Variants in GSE1 observed in about 807,000 individuals in gnomAD.
The protein encoded by GSE1 is genetic suppressor element 1.
Under a neutral mutation model 112.6 loss-of-function variants are expected in GSE1, and 32 were observed. The observed-to-expected ratio is 0.28, with a 90% confidence interval of 0.21 to 0.38. The LOEUF (loss-of-function observed/expected upper bound fraction) is 0.38. Among genes scored for constraint, GSE1 ranks in the 10% least tolerant of loss-of-function variants. The probability of loss-of-function intolerance (pLI) is 1.00; values close to 1 mark genes in which losing one functional copy is unlikely to be tolerated. For missense variants in GSE1, 2,348 were observed against 1,699.2 expected (o/e 1.38, Z -6.71); for synonymous variants, 1,115 against 735.6 (o/e 1.52, Z -8.35).
intron 1 of GSE1, among the ~76,000 whole-genome samples, chr16:85,175,046 C>G (rs991732783): frequency 2.0e-5 from 2 of 101,206 alleles, no homozygotes; most frequent in African/African-American, 3.5e-5. Context: ...TCCTGTGACT[C>G]CTCAGTTGTT....
chr16:85,424,397 C>G (rs765896528), intron 2 of GSE1, among the ~76,000 whole-genome samples: 5 of 152,208 alleles, frequency 3.3e-5, no homozygotes, highest in Non-Finnish European at 5.9e-5. Context: ...AGAGGCCAGA[C>G]CTTCTGGAAG....
Position 85,401,099 on chromosome 16 carries a change from G to C in GSE1, c.2464+43456G>C, listed in dbSNP as rs993862693. On this transcript the variant is annotated intron_variant, in intron 2 of 2. Transcript: ENST00000637419. ...CCCAAATCAGCGGATATGGTGCTGG[G>C]GTCCGCAGCTTGGGCTTTCTGAGGC... is the stretch of plus-strand genomic sequence containing the variant. Among the ~76,000 whole-genome samples, 3 of 152,188 alleles carry C rather than the reference G, an allele frequency of 2.0e-5. No individual in the cohort carries two copies. The East Asian group carries it at 5.8e-4, about 29-fold the overall frequency.
intron 2 of GSE1, among the ~76,000 whole-genome samples, chr16:85,383,006 GCA>G (rs1360677684): frequency 1.3e-5 from 2 of 149,768 alleles, no homozygotes; most frequent in Non-Finnish European, 3.0e-5. Context: ...TACAACACAT[GCA>G]CACACGGTTG....
chr16:85,560,290 C>G (rs1056790302), intron 1 of GSE1, among the ~76,000 whole-genome samples: 1 of 152,112 alleles, frequency 6.6e-6, no homozygotes, highest in African/African-American at 2.4e-5. Flanking sequence ...AGTGCGCCAC[C>G]ACGCCCAAGT....
upstream of GSE1, among the ~76,000 whole-genome samples, chr16:85,554,738 C>A (rs1240702948): frequency 8.6e-6 from 1 of 116,488 alleles, no homozygotes; most frequent in Non-Finnish European, 1.6e-5. Context: ...CGGGTCCTGG[C>A]GGAGGGCGAA....
intron 2 of GSE1, among the ~76,000 whole-genome samples, chr16:85,477,153 C>T (rs940805899): frequency 1.3e-5 from 2 of 152,094 alleles, no homozygotes; most frequent in Non-Finnish European, 2.9e-5. Context: ...GTCGGGTGAT[C>T]CGCCTGCCTT....
Position 85,675,165 on chromosome 16 carries a change from T to C in GSE1, c.*2626T>C, listed in dbSNP as rs186324993. 6.6e-6 allele frequency: 1 copy of C among 152,320 alleles called. No individual in the cohort carries two copies. The highest frequency in any genetic ancestry group is 2.4e-5 in the African/African-American group (1 of 41,566). The allele number at this position is 152,320 out of a possible 1,614,324, so 9.4% of individuals were successfully genotyped here. A position where few individuals can be genotyped will look rare whatever the true frequency, so the allele number is the denominator to read the frequency against. On this transcript the variant is annotated 3_prime_UTR_variant, in exon 16 of 16. Coordinates refer to ENST00000253458, the MANE Select transcript of GSE1 (RefSeq NM_014615.5). ...ATTGACATGCAATCTCTTAAGTTTT[T>C]TGTTCAGCTACTTCACACTGAGTAC...
chr16:85,448,650 C>T (rs2049579615), intron 2 of GSE1, among the ~76,000 whole-genome samples: 1 of 152,222 alleles, frequency 6.6e-6, no homozygotes, highest in South Asian at 2.1e-4. Flanking sequence ...CTCTTCCTCC[C>T]TCCATCTGCC....
At chr16:85,474,666 C>G (rs1479073298) in intron 2 of GSE1, among the ~76,000 whole-genome samples, 1 of 144,632 alleles carries the variant, frequency 6.9e-6, no homozygotes, top group Non-Finnish European at 1.5e-5. Context: ...CCTCTTCCCC[C>G]TCCTCTCCTT....
chr16:85,466,854 G>A (rs185555778), intron 2 of GSE1, among the ~76,000 whole-genome samples: 3 of 152,278 alleles, frequency 2.0e-5, no homozygotes, highest in Admixed American at 6.5e-5. Context: ...GGGGTGAGGA[G>A]TTCGAGACCA....
intron 2 of GSE1, among the ~76,000 whole-genome samples, chr16:85,516,860 T>C (rs202108632): frequency 1.4e-4 from 21 of 149,088 alleles, no homozygotes; most frequent in Middle Eastern, 6.9e-3. Context: ...TGCAGTGGCG[T>C]GATCTCCACT....
intron 1 of GSE1, among the ~76,000 whole-genome samples, chr16:85,327,981 C>T (rs948872840): frequency 1.3e-5 from 2 of 152,214 alleles, no homozygotes; most frequent in Admixed American, 6.5e-5. Flanking sequence ...GTACAGATCC[C>T]TGGCCATGCA....
At chr16:85,246,317 ACACACACACACACACC>A (rs1457988060) in intron 1 of GSE1, among the ~76,000 whole-genome samples, 4 of 80,956 alleles carry the variant, frequency 4.9e-5, no homozygotes, top group Non-Finnish European at 7.4e-5. Context: ...GTCTACACAC[ACACACACACACACACC>A]CCCCACACGC....
At chr16:85,253,912 G>A (rs1484174897) in intron 1 of GSE1, among the ~76,000 whole-genome samples, 5 of 152,328 alleles carry the variant, frequency 3.3e-5, no homozygotes. Flanking sequence ...CAAAGGGCAG[G>A]AGGCGGCACA....
chr16:85,393,345 GAGGCC>G (rs2047889115), intron 2 of GSE1, among the ~76,000 whole-genome samples: 1 of 152,224 alleles, frequency 6.6e-6, no homozygotes, highest in African/African-American at 2.4e-5. Flanking sequence ...GAGCGGCAGG[GAGGCC>G]AGGGGCCACA....
At chr16:85,422,050 T>G (rs1028952561) in intron 2 of GSE1, among the ~76,000 whole-genome samples, 1 of 152,026 alleles carries the variant, frequency 6.6e-6, no homozygotes, top group Non-Finnish European at 1.5e-5. Context: ...CCACGGCCCA[T>G]GTACAGGAAC....
chr16:85,284,902 C>G (rs2044972445), intron 1 of GSE1: 1 of 152,174 alleles, frequency 6.6e-6, no homozygotes, highest in African/African-American at 2.4e-5. Flanking sequence ...TCTGTAATCA[C>G]AGACCAGAAT....
At chr16:85,294,910 G>GTT (rs138180011) in intron 1 of GSE1, among the ~76,000 whole-genome samples, 33 of 151,424 alleles carry the variant, frequency 2.2e-4, no homozygotes, top group African/African-American at 2.2e-4. Flanking sequence ...GGGTTTTTTA[G>GTT]TTTTTGTTTT....
At chr16:85,599,469 G>T (rs891048367) in intron 1 of GSE1, among the ~76,000 whole-genome samples, 5 of 152,216 alleles carry the variant, frequency 3.3e-5, no homozygotes, top group Admixed American at 1.3e-4. Flanking sequence ...GGTGGGGGTG[G>T]TGACACGGGA....
Sources: allele counts gnomAD v4.1 joint callset (sites outside exome capture counted in the v4.1 genomes callset), GRCh38; gene constraint gnomAD v4.1.1; transcripts MANE v1.5; gene names NCBI Gene and HGNC (gene_info 2026-07-23, HGNC 2026-07-21).